The following GTF3C6 variants were observed in gnomAD, a reference collection of about 807,000 sequenced individuals.
The protein encoded by GTF3C6 is general transcription factor 3C polypeptide 6.
A neutral mutation model predicts 19.2 loss-of-function variants in GTF3C6; 11 were observed. The observed-to-expected ratio is 0.57, with a 90% CI of 0.36 to 0.95. The LOEUF is 0.95. Ranked by LOEUF, GTF3C6 falls within the 40% of genes least tolerant of loss-of-function variation. The pLI is 0.01. For synonymous variants in GTF3C6, 87 were observed against 84.2 expected (o/e 1.03, Z -0.18); for missense variants, 222 against 254.7 (o/e 0.87, Z 0.87).
chr6:110,959,362 A>G (rs1033337747), intron 2 of GTF3C6, 110 bp downstream of exon 2: 5 of 708,470 alleles, frequency 7.1e-6, no homozygotes, highest in Non-Finnish European at 1.2e-5. Context: ...TCACCTTACA[A>G]AGTAGTGAAC....
At chr6:110,960,357 A>G (rs1771143603) in intron 2 of GTF3C6, 57 bp from the exon 3 acceptor site, 4 of 1,456,344 alleles carry the variant, frequency 2.7e-6, no homozygotes, top group South Asian at 2.5e-5. Context: ...CAAGGTTACA[A>G]TGTTGAAGCC....
At chr6:110,961,004 C>T (rs566677049) in intron 4 of GTF3C6, among the ~76,000 whole-genome samples, 2 of 151,346 alleles carry the variant, frequency 1.3e-5, no homozygotes, top group African/African-American at 4.8e-5. Context: ...CGAGATCGCA[C>T]CAGTGCACTT....
chr6:110,967,213 G>A (rs1215379127), intron 5 of GTF3C6, among the ~76,000 whole-genome samples: 1 of 152,042 alleles, frequency 6.6e-6, no homozygotes, highest in Non-Finnish European at 1.5e-5. Flanking sequence ...ATGGCAGAGA[G>A]TGCTCAAATT....
intron 5 of GTF3C6, among the ~76,000 whole-genome samples, chr6:110,963,296 A>G (rs372095802): frequency 5.9e-5 from 9 of 152,152 alleles, no homozygotes; most frequent in African/African-American, 2.2e-4. Flanking sequence ...TTGAACTCTC[A>G]TATAGCTTAG....
intron 5 of GTF3C6, 133 bp downstream of exon 5, chr6:110,962,638 T>G: frequency 1.8e-6 from 1 of 565,898 alleles, no homozygotes; most frequent in South Asian, 2.4e-5. Flanking sequence ...AGTCTTGCTC[T>G]GTCACCCAGG....
intron 5 of GTF3C6, among the ~76,000 whole-genome samples, chr6:110,963,543 T>C (rs925552686): frequency 2.0e-5 from 3 of 152,190 alleles, no homozygotes; most frequent in African/African-American, 7.2e-5. Flanking sequence ...AACCTTGTTA[T>C]GATGTCAGCA....
rs1322861627 is a variant in GTF3C6 at position 110,958,726 on chromosome 6, G to A, written c.-44G>A. ...AGCCCGTACTCAAGATGGCGGCTCCGGGCGGGCGTGGCCAGTGACTAGAAG... is the reference window on the plus strand; with the variant it reads ...AGCCCGTACTCAAGATGGCGGCTCCAGGCGGGCGTGGCCAGTGACTAGAAG... On this transcript the variant is annotated 5_prime_UTR_variant, in exon 1 of 6. Transcript: ENST00000329970. The A allele has an allele frequency of 1.3e-6, 2 of 1,548,332 alleles. No individual in the cohort carries two copies. Among genetic ancestry groups the A allele is most frequent in the Admixed American group, 2.0e-5 (1 of 50,954 alleles).
chr6:110,964,281 G>A (rs908965378), intron 5 of GTF3C6, among the ~76,000 whole-genome samples: 4 of 151,524 alleles, frequency 2.6e-5, no homozygotes, highest in African/African-American at 4.8e-5. Context: ...GTTTCACTCC[G>A]TCGCCCAGGC....
At chr6:110,960,997 G>T (rs536528226) in intron 4 of GTF3C6, among the ~76,000 whole-genome samples, 7 of 151,976 alleles carry the variant, frequency 4.6e-5, no homozygotes. Context: ...AGTGAGCCGA[G>T]ATCGCACCAG....
intron 2 of GTF3C6, among the ~76,000 whole-genome samples, chr6:110,959,937 A>G (rs769221407): frequency 2.6e-5 from 4 of 150,978 alleles, no homozygotes; most frequent in Non-Finnish European, 5.9e-5. Flanking sequence ...AGCCTGGGCA[A>G]CAAAGGGCAA....
chr6:110,964,263 G>C (rs1172995502), intron 5 of GTF3C6, among the ~76,000 whole-genome samples: 1 of 148,420 alleles, frequency 6.7e-6, no homozygotes, highest in African/African-American at 2.5e-5. Context: ...CTTTTTTTTT[G>C]AGATGGAGTT....
chr6:110,964,462 C>A (rs1051510395), intron 5 of GTF3C6, among the ~76,000 whole-genome samples: 1 of 151,732 alleles, frequency 6.6e-6, no homozygotes, highest in Non-Finnish European at 1.5e-5. Context: ...TCAGGCTGGT[C>A]TGGAACTGAC....
rs1207995776 is a variant in GTF3C6, at chr6:110,960,469, A to T, written c.194A>T (p.Glu65Val). ...LQVDSCVFAGEYEDTLGTCVI... is the reference protein window; with the variant it reads ...LQVDSCVFAGVYEDTLGTCVI... The stretch of plus-strand genomic sequence containing the variant: ...GTGGACAGCTGTGTCTTTGCTGGGG[A>T]GTATGAAGGTAGGAGGATGTCAGAT... The change falls in exon 3 of 6, where the codon GAG becomes GTG. Residue 65 changes from glutamate (E) to valine (V), a missense_variant. Coordinates refer to ENST00000329970, the MANE Select transcript of GTF3C6 (RefSeq NM_138408.4). 2 of 1,613,524 alleles carry T rather than the reference A, an allele frequency of 1.2e-6. No individual in the cohort carries two copies. The highest frequency in any genetic ancestry group is 1.7e-6 in the Non-Finnish European group (2 of 1,179,836).
intron 4 of GTF3C6, among the ~76,000 whole-genome samples, chr6:110,962,132 G>T (rs1473397851): frequency 1.3e-5 from 2 of 152,032 alleles, no homozygotes. Context: ...TCAAACTCCC[G>T]ACCTCAGGTG....
intron 5 of GTF3C6, among the ~76,000 whole-genome samples, chr6:110,963,542 A>G (rs1771190403): frequency 1.3e-5 from 2 of 152,258 alleles, no homozygotes; most frequent in South Asian, 2.1e-4. Context: ...AAACCTTGTT[A>G]TGATGTCAGC....
intron 1 of GTF3C6, 97 bp from the exon 2 acceptor site, chr6:110,959,075 C>T (rs1771124127): frequency 6.3e-6 from 6 of 953,460 alleles, no homozygotes; most frequent in South Asian, 1.3e-5. Context: ...AAAACAGGGT[C>T]CGGTTTTCAC....
intron 5 of GTF3C6, among the ~76,000 whole-genome samples, chr6:110,966,985 C>T (rs894595740): frequency 2.6e-5 from 4 of 151,940 alleles, no homozygotes; most frequent in African/African-American, 4.8e-5. Flanking sequence ...GAAATTCCGT[C>T]TCTATTGAAA....
chr6:110,962,455 G>C lies in GTF3C6; in HGVS notation c.311G>C (p.Ser104Thr). 1.2e-6 allele frequency: 2 copies of C among 1,612,466 alleles called. No homozygotes were observed. The highest frequency in any genetic ancestry group is 2.2e-5 in the South Asian group (2 of 91,036). The change falls in exon 5 of 6, where the codon AGC (serine) becomes ACC (threonine). Residue 104 changes from serine to threonine, a missense_variant. By Grantham distance (58) the Ser-to-Thr change is moderately conservative. Coordinates refer to ENST00000329970, the MANE Select transcript of GTF3C6 (RefSeq NM_138408.4). ...AAATGCCATACAATGAAGAAGCTCA[G>C]CATGACAAGAACTCTCCTGACAGAG... ...KYKCHTMKKLSMTRTLLTEKK... is the reference protein window; with the variant it reads ...KYKCHTMKKLTMTRTLLTEKK...
intron 4 of GTF3C6, 105 bp downstream of exon 4, chr6:110,960,721 C>A: frequency 2.1e-6 from 2 of 942,128 alleles, no homozygotes; most frequent in Non-Finnish European, 3.4e-6. Flanking sequence ...CATATCCTAT[C>A]ATTTTCCCAA....
Sources: gnomAD v4.1 joint callset for allele counts (sites outside exome capture counted in the v4.1 genomes callset) on GRCh38, gnomAD v4.1.1 for gene constraint, MANE v1.5 for transcripts, NCBI Gene and HGNC (gene_info 2026-07-23, HGNC 2026-07-21) for gene names.